Variants in SLC11A1 observed in about 807,000 individuals in gnomAD.
The protein encoded by SLC11A1 is solute carrier family 11 member 1.
In SLC11A1, 59 loss-of-function variants were observed where a neutral mutation model predicts 63.2. The ratio of observed to expected loss-of-function variants is 0.93; its 90% CI spans 0.76 to 1.16. The LOEUF (loss-of-function observed/expected upper bound fraction) is 1.16, where lower values mean the gene tolerates loss of function less well. Among genes scored for constraint, SLC11A1 ranks in the 50% most tolerant of loss-of-function variants. The pLI is 0.00. For synonymous variants in SLC11A1, 305 were observed against 307.8 expected (o/e 0.99, Z 0.09); for missense variants, 688 against 730.7 (o/e 0.94, Z 0.67).
At chr2:218,391,795 G>A (rs770403195) in intron 11 of SLC11A1, 6 of 336,534 alleles carry the variant, frequency 1.8e-5, no homozygotes, top group Non-Finnish European at 3.4e-5. Flanking sequence ...GCTAATTTTT[G>A]TACTTTTAGT....
Position 218,388,293 on chromosome 2 carries a change from G to T in SLC11A1, c.795+338G>T, listed in dbSNP as rs1434789516. On this transcript the variant is annotated intron_variant, in intron 8 of 14. Coordinates refer to ENST00000233202, the MANE Select transcript of SLC11A1 (RefSeq NM_000578.4). The stretch of plus-strand genomic sequence containing the variant: ...TGAGGCAGGAGAATCGCTTGAACCC[G>T]GGAGGCAGAGGTTGCGGTGAGCCGA... 3 of 235,780 alleles carry T rather than the reference G, an allele frequency of 1.3e-5. No individual in the cohort carries two copies. In the Admixed American group the frequency reaches 1.6e-4, roughly 12 times the overall value. 14.6% of individuals were successfully genotyped at this position (235,780 alleles called of 1,614,324 possible).
At chr2:218,390,067 T>A (rs1332033958) in intron 9 of SLC11A1, 39 bp downstream of exon 9, 1 of 1,587,672 alleles carries the variant, frequency 6.3e-7, no homozygotes, top group South Asian at 1.2e-5. Context: ...GCCACACACG[T>A]ACTCATGTCC....
chr2:218,387,119 C>T (rs758410867), intron 5 of SLC11A1, 41 bp from the exon 6 acceptor site: 1 of 1,588,214 alleles, frequency 6.3e-7, no homozygotes, highest in South Asian at 1.1e-5. Flanking sequence ...GTTAGAGACC[C>T]CTGGACCAGG....
Position 218,382,963 on chromosome 2 carries a change from A to T in SLC11A1, c.11A>T (p.Asp4Val). The change falls in exon 2 of 15, where the codon GAC becomes GTC. Residue 4 changes from aspartate to valine, a missense_variant. By Grantham distance (152) the Asp-to-Val change is radical (BLOSUM62 -3). Coordinates refer to ENST00000233202, the MANE Select transcript of SLC11A1 (RefSeq NM_000578.4). ...CATGCTTCATGGGCCCCCACAGGTG[A>T]CAAGGGTCCCCAAAGGCTAAGCGGG... MTG[D>V]KGPQRLSGSS... The T allele has an allele frequency of 6.2e-7, 1 of 1,614,088 alleles. No homozygotes were observed. Among genetic ancestry groups the T allele is most frequent in the Non-Finnish European group, 8.5e-7 (1 of 1,180,002 alleles).
At chr2:218,383,391 G>A in intron 2 of SLC11A1, 2 of 382,440 alleles carry the variant, frequency 5.2e-6, no homozygotes, top group Admixed American at 3.9e-5. Flanking sequence ...TTGAGGACAT[G>A]TTATAGCATT....
At position 218,391,282 on chromosome 2, in the gene SLC11A1, C is replaced by T; in HGVS notation, c.1039C>T (p.Gln347Ter). Residue 347 changes from glutamine (Q) to a stop codon, truncating the protein, a stop_gained, in exon 10 of 15, where the codon CAG (glutamine) becomes TAG (stop). Coordinates refer to ENST00000233202, the MANE Select transcript of SLC11A1 (RefSeq NM_000578.4). LOFTEE classifies it high-confidence loss of function. ...CGCCACCGTGGCCGTGGACATTTAC[C>T]AGGGGGTGAGCGCGGGTGGGTGGGG... ...NNATVAVDIY[Q>*]GGVILGCLFG... 3.5e-6 allele frequency: 4 copies of T among 1,149,424 alleles called. No individual in the cohort carries two copies. The African/African-American group carries it at 6.5e-5, about 19-fold the overall frequency. 71.2% of individuals were successfully genotyped at this position (1,149,424 alleles called of 1,614,324 possible).
At position 218,395,522 on chromosome 2, in the gene SLC11A1, AG is replaced by A; in HGVS notation, c.*488del. On this transcript the variant is annotated 3_prime_UTR_variant, in exon 15 of 15. Coordinates refer to ENST00000233202, the MANE Select transcript of SLC11A1 (RefSeq NM_000578.4). ...CCCTCTGTTGCCAAGGCTGGAGTGCAGTGGCGCAATCTTAACTCATTGCAAC... is the reference window on the plus strand; with the variant it reads ...CCCTCTGTTGCCAAGGCTGGAGTGCATGGCGCAATCTTAACTCATTGCAAC... 6.4e-6 allele frequency: 1 copy of A among 155,214 alleles called. No homozygotes were observed. The highest frequency in any genetic ancestry group is 1.8e-4 in the South Asian group (1 of 5,466). The allele number at this position is 155,214 out of a possible 1,614,324, so 9.6% of individuals were successfully genotyped here.
rs1696118912 is a variant in SLC11A1, at chr2:218,386,637, G to A, written c.396G>A (p.Val132=). The change falls in exon 5 of 15, where the codon GTG becomes GTA. Residue 132 remains valine (V), a splice_region_variant and synonymous_variant. Coordinates refer to ENST00000233202, the MANE Select transcript of SLC11A1 (RefSeq NM_000578.4). ...GAAGGATCATCTCCTCCCCATAGGT[G>A]CCCCGCACCGTCCTCTGGCTGACCA... ...GEVCHLYYPK[V]PRTVLWLTIE... is the part of the protein sequence containing the mutation. 6.2e-7 allele frequency: 1 copy of A among 1,612,318 alleles called. No individual in the cohort carries two copies. Among genetic ancestry groups the A allele is most frequent in the Non-Finnish European group, 8.5e-7 (1 of 1,179,058 alleles).
Position 218,385,202 on chromosome 2 carries a change from C to T in SLC11A1, c.329C>T (p.Ala110Val). Residue 110 changes from alanine (A) to valine (V), a missense_variant, in exon 4 of 15, where the codon GCT becomes GTT. By Grantham distance (64) the Ala-to-Val change is moderately conservative. Transcript: ENST00000233202. ...TTGGGCTTGCTCTGCCAGCGACTGG[C>T]TGCACGTCTGGGCGTGGTGACAGGC... ...TVLGLLCQRL[A>V]ARLGVVTGKD... The T allele has an allele frequency of 1.9e-6, 3 of 1,614,102 alleles. No individual in the cohort carries two copies. Among genetic ancestry groups the T allele is most frequent in the Non-Finnish European group, 1.7e-6 (2 of 1,179,966 alleles).
At position 218,389,853 on chromosome 2, in the gene SLC11A1, C is replaced by A; in HGVS notation, c.796-17C>A. On this transcript the variant is annotated splice_polypyrimidine_tract_variant and intron_variant, in intron 8 of 14. Transcript: ENST00000233202. ...CTGAGGGACTTTGGCACTTCCCTCT[C>A]CCTTTGATCTTCGTAGTCTCGAGAG... 6.3e-7 allele frequency: 1 copy of A among 1,598,826 alleles called. No individual in the cohort carries two copies. Among genetic ancestry groups the A allele is most frequent in the Non-Finnish European group, 8.5e-7 (1 of 1,172,066 alleles).
chr2:218,387,965 G>A lies in SLC11A1; in HGVS notation c.795+10G>A, dbSNP rs1483642876. 6.3e-7 allele frequency: 1 copy of A among 1,593,194 alleles called. No homozygotes were observed. The highest frequency in any genetic ancestry group is 2.2e-5 in the East Asian group (1 of 44,536). Reference sequence around the variant, plus strand: ...CTCGGCCCTGGTCAAGGTGAGCAGAGGGGAGGGGAAAGGAGACCCCCTCAC... The same window carrying A: ...CTCGGCCCTGGTCAAGGTGAGCAGAAGGGAGGGGAAAGGAGACCCCCTCAC... On this transcript the variant is annotated intron_variant, in intron 8 of 14. Transcript: ENST00000233202.
In SLC11A1 at chr2:218,389,874, G is replaced by A. The variant is rs573763910; in HGVS notation, c.800G>A (p.Arg267Gln). Reference sequence around the variant, plus strand: ...CTCTCCCTTTGATCTTCGTAGTCTCGAGAGATAGACCGGGCCCGCCGAGCA... The same window carrying A: ...CTCTCCCTTTGATCTTCGTAGTCTCAAGAGATAGACCGGGCCCGCCGAGCA... Reference protein sequence around the residue: ...IYLHSALVKSREIDRARRADI... With the variant: ...IYLHSALVKSQEIDRARRADI... Residue 267 changes from arginine to glutamine, a missense_variant, in exon 9 of 15, where the codon CGA (arginine) becomes CAA (glutamine). By Grantham distance (43) the Arg-to-Gln change is conservative (BLOSUM62 1). Transcript: ENST00000233202. The A allele has an allele frequency of 2.2e-5, 36 of 1,609,750 alleles. No homozygotes were observed. The South Asian group carries it at 3.3e-4, about 15-fold the overall frequency.
Position 218,384,345 on chromosome 2 carries a change from G to A in SLC11A1, c.253G>A (p.Gly85Ser). Residue 85 changes from glycine to serine, a missense_variant, in exon 3 of 15, where the codon GGC becomes AGC. Physicochemically the swap from Gly to Ser is moderately conservative, Grantham distance 56. Coordinates refer to ENST00000233202, the MANE Select transcript of SLC11A1 (RefSeq NM_000578.4). The surrounding 1 kb of genome is among the most constrained non-coding windows in gnomAD (Gnocchi z 4.0). ...PGNIESDLQA[G>S]AVAGFKLLWV... is the part of the protein sequence containing the mutation. ...AAACATCGAGTCAGATCTTCAGGCT[G>A]GCGCCGTGGCGGGATTCAAAGTAAC... is the stretch of plus-strand genomic sequence containing the variant. The A allele has an allele frequency of 1.2e-6, 2 of 1,605,250 alleles. No homozygotes were observed. The highest frequency in any genetic ancestry group is 1.7e-6 in the Non-Finnish European group (2 of 1,173,822).
rs1696731614 is a variant in SLC11A1 at position 218,395,941 on chromosome 2, C to G, written c.*906C>G. The G allele has an allele frequency of 1.3e-5, 2 of 152,452 alleles. No individual in the cohort carries two copies. The highest frequency in any genetic ancestry group is 6.5e-5 in the Admixed American group (1 of 15,282). 9.4% of individuals were successfully genotyped at this position (152,452 alleles called of 1,614,324 possible). On this transcript the variant is annotated 3_prime_UTR_variant, in exon 15 of 15. Coordinates refer to ENST00000233202, the MANE Select transcript of SLC11A1 (RefSeq NM_000578.4). ...CAGACAGTAAAACGGCGGCGCACTT[C>G]TTTCTCCGTCAGGCACCAGGTCATA... is the stretch of plus-strand genomic sequence containing the variant.
intron 4 of SLC11A1, chr2:218,385,710 G>A (rs959288947): frequency 3.7e-5 from 13 of 350,966 alleles, no homozygotes; most frequent in Non-Finnish European, 6.7e-5. Flanking sequence ...TTTGATAGAT[G>A]GAAAGACTGA....
intron 11 of SLC11A1, chr2:218,392,095 G>A (rs749270541): frequency 1.8e-5 from 7 of 398,740 alleles, no homozygotes; most frequent in Non-Finnish European, 2.5e-5. Flanking sequence ...TTGAGACGGC[G>A]TTTCGCTCTT....
rs1335363244 is a variant in SLC11A1, at chr2:218,385,271, G to A, written c.393+5G>A. On this transcript the variant is annotated splice_donor_5th_base_variant and intron_variant, in intron 4 of 14. Coordinates refer to ENST00000233202, the MANE Select transcript of SLC11A1 (RefSeq NM_000578.4). Reference sequence around the variant, plus strand: ...TGCCATCTCTACTACCCTAAGGTGAGCTTGGGGGGCCTGGACAGGGAGAAC... The same window carrying A: ...TGCCATCTCTACTACCCTAAGGTGAACTTGGGGGGCCTGGACAGGGAGAAC... 2 of 1,613,868 alleles carry A rather than the reference G, an allele frequency of 1.2e-6. No individual in the cohort carries two copies. Among genetic ancestry groups the A allele is most frequent in the Non-Finnish European group, 1.7e-6 (2 of 1,179,762 alleles).
At chr2:218,394,549 G>T in intron 13 of SLC11A1, 83 bp from the exon 14 acceptor site, 2 of 1,477,502 alleles carry the variant, frequency 1.4e-6, no homozygotes, top group Non-Finnish European at 9.3e-7. Flanking sequence ...CACCCCCAGT[G>T]TGGGCGCTGG....
intron 4 of SLC11A1, 161 bp downstream of exon 4, chr2:218,385,427 G>A (rs546621121): frequency 4.8e-4 from 483 of 1,010,304 alleles, no homozygotes; most frequent in African/African-American, 5.9e-4. Flanking sequence ...GTCTCGCTCC[G>A]TCGCCCAGTC....
Sources: gnomAD v4.1 joint callset for allele counts on GRCh38, gnomAD v4.1.1 for gene constraint, Gnocchi (gnomAD v3.1) non-coding constraint, MANE v1.5 for transcripts, NCBI Gene and HGNC (gene_info 2026-07-23, HGNC 2026-07-21) for gene names.